The following IGSF11 variants were observed in gnomAD, a reference collection of about 807,000 sequenced individuals.
IGSF11 encodes immunoglobulin superfamily member 11, also known as CXADR like 1.
IGSF11 carries 22 observed loss-of-function variants against 41.0 expected under a neutral mutation model. That is an observed-to-expected ratio of 0.54 (90% CI 0.38 to 0.77). The LOEUF is 0.77. IGSF11 is among the 30% of genes least tolerant of loss of function. IGSF11 has a pLI of 0.00. For synonymous variants in IGSF11, 219 were observed against 201.3 expected, an observed-to-expected ratio of 1.09 and a Z score of -0.74; for missense variants, 444 against 530.8, an observed-to-expected ratio of 0.84 and a Z score of 1.61.
intron 4 of IGSF11, among the ~76,000 whole-genome samples, chr3:118,910,568 C>T (rs1406452556): frequency 1.3e-5 from 2 of 152,196 alleles, no homozygotes; most frequent in African/African-American, 4.8e-5. Flanking sequence ...ATTACTGACA[C>T]AGTTTCTAAA....
chr3:119,113,960 T>C (rs963498091), intron 1 of IGSF11, among the ~76,000 whole-genome samples: 9 of 152,220 alleles, frequency 5.9e-5, no homozygotes, highest in Non-Finnish European at 1.3e-4. Flanking sequence ...GGCTTACAGA[T>C]TGCATCCTTT....
intron 1 of IGSF11, among the ~76,000 whole-genome samples, chr3:118,975,967 C>T (rs1192806874): frequency 1.3e-5 from 2 of 152,034 alleles, no homozygotes; most frequent in Non-Finnish European, 2.9e-5. Context: ...CTCAGTGTCA[C>T]AGGATATATC....
chr3:119,125,682 A>T (rs1393170080), intron 1 of IGSF11, among the ~76,000 whole-genome samples: 3 of 152,174 alleles, frequency 2.0e-5, no homozygotes, highest in Non-Finnish European at 4.4e-5. Context: ...CATCAAAAAA[A>T]ATCATAATAC....
At chr3:119,083,896 A>G (rs537900698) in intron 1 of IGSF11, among the ~76,000 whole-genome samples, 2 of 152,246 alleles carry the variant, frequency 1.3e-5, no homozygotes, top group Admixed American at 6.5e-5. Flanking sequence ...AAATAGCCTC[A>G]GACAGGCCTT....
intron 1 of IGSF11, among the ~76,000 whole-genome samples, chr3:119,044,465 C>A (rs944537568): frequency 2.0e-5 from 3 of 151,936 alleles, no homozygotes; most frequent in Non-Finnish European, 2.9e-5. Flanking sequence ...GAAGAGAAAT[C>A]TAAAAGTTTG....
intron 1 of IGSF11, among the ~76,000 whole-genome samples, chr3:119,144,256 A>G (rs1456980211): frequency 6.6e-6 from 1 of 152,188 alleles, no homozygotes; most frequent in Non-Finnish European, 1.5e-5. Flanking sequence ...GTAGAACCCT[A>G]GACAGAAGGC....
intron 1 of IGSF11, among the ~76,000 whole-genome samples, chr3:118,991,910 C>G (rs544329496): frequency 2.0e-5 from 3 of 152,348 alleles, no homozygotes; most frequent in South Asian, 4.1e-4. Flanking sequence ...GAGAAGCTCT[C>G]CATTCAGTCT....
intron 1 of IGSF11, among the ~76,000 whole-genome samples, chr3:119,104,130 C>A (rs980772779): frequency 1.3e-5 from 2 of 152,108 alleles, no homozygotes; most frequent in Non-Finnish European, 2.9e-5. Flanking sequence ...CGCCCAATTT[C>A]CAATCCCCTC....
At chr3:119,014,314 G>A (rs1183058669) in intron 1 of IGSF11, among the ~76,000 whole-genome samples, 1 of 152,146 alleles carries the variant, frequency 6.6e-6, no homozygotes, top group Non-Finnish European at 1.5e-5. Context: ...TAAAAAGGTA[G>A]CTACAGGCAA....
intron 1 of IGSF11, among the ~76,000 whole-genome samples, chr3:119,047,717 C>G (rs1199568923): frequency 1.3e-5 from 2 of 152,048 alleles, no homozygotes; most frequent in African/African-American, 4.8e-5. Context: ...CCACACCACA[C>G]CTATTCCAAA....
In IGSF11 at chr3:119,001,871, T is replaced by C. The variant is rs1021955843; in HGVS notation, c.52+32660A>G. ...CACATTTTCTTAATCCAGTCTATCG[T>C]TGTTGGACATTTGGGTTGGTTCCAA... On this transcript the variant is annotated intron_variant, in intron 1 of 6. Coordinates refer to ENST00000393775, the MANE Select transcript of IGSF11 (RefSeq NM_001015887.3). Among the ~76,000 whole-genome samples, 39 of 127,354 alleles carry C rather than the reference T, an allele frequency of 3.1e-4. 1 individual carries two copies. Among genetic ancestry groups the C allele is most frequent in the Non-Finnish European group, 5.9e-4 (37 of 63,002 alleles). The allele number at this position is 127,354 out of a possible 152,430, so 83.5% of individuals were successfully genotyped here. A position where few individuals can be genotyped will look rare whatever the true frequency, so the allele number is the denominator to read the frequency against.
chr3:118,903,154 C>T (rs1036115995), intron 6 of IGSF11, among the ~76,000 whole-genome samples, 193 bp from the exon 7 acceptor site: 5 of 152,198 alleles, frequency 3.3e-5, no homozygotes, highest in South Asian at 4.1e-4. Context: ...TTTGAGACAA[C>T]GGTCAAGAAA....
intron 2 of IGSF11, 110 bp downstream of exon 2, chr3:118,930,002 G>T: frequency 9.1e-7 from 1 of 1,102,182 alleles, no homozygotes; most frequent in Non-Finnish European, 1.3e-6. Context: ...CACGCACATT[G>T]ACAATGCCAC....
chr3:119,104,731 C>T (rs1287744599), intron 1 of IGSF11, among the ~76,000 whole-genome samples: 1 of 152,110 alleles, frequency 6.6e-6, no homozygotes, highest in Non-Finnish European at 1.5e-5. Flanking sequence ...ACTGACTATA[C>T]ATTTTACTAT....
At chr3:119,105,251 A>G (rs1449742055), upstream of IGSF11, 2 of 1,084,886 alleles carry the variant, frequency 1.8e-6, no homozygotes, top group East Asian at 2.4e-5. Context: ...TGTCATCATA[A>G]CATTATATGT....
At chr3:118,971,208 A>G (rs958673209) in intron 1 of IGSF11, among the ~76,000 whole-genome samples, 51 of 152,368 alleles carry the variant, frequency 3.3e-4, no homozygotes, top group African/African-American at 1.2e-3. Flanking sequence ...TTACAGGGGC[A>G]GAAAGCAGAG....
intron 1 of IGSF11, among the ~76,000 whole-genome samples, chr3:119,059,759 T>C (rs1158852497): frequency 6.6e-6 from 1 of 151,840 alleles, no homozygotes; most frequent in Admixed American, 6.6e-5. Context: ...GAAAGTAGAG[T>C]CCACCTTCCC....
At chr3:119,132,908 A>G (rs1297194232) in intron 1 of IGSF11, among the ~76,000 whole-genome samples, 9 of 152,230 alleles carry the variant, frequency 5.9e-5, no homozygotes, top group Admixed American at 5.9e-4. Flanking sequence ...TAATACTAAG[A>G]AACTCACTCA....
intron 1 of IGSF11, among the ~76,000 whole-genome samples, chr3:119,141,042 T>TAAAAAAAAAAAAAAA (rs35323898): frequency 1.0e-5 from 1 of 99,778 alleles, no homozygotes; most frequent in Non-Finnish European, 1.9e-5. Flanking sequence ...TCTGTCTCAT[T>TAAAAAAAAAAAAAAA]AAAAAAAAAA....
Sources: gnomAD v4.1 joint callset for allele counts (sites outside exome capture counted in the v4.1 genomes callset) on GRCh38, gnomAD v4.1.1 for gene constraint, MANE v1.5 for transcripts, NCBI Gene and HGNC (gene_info 2026-07-23, HGNC 2026-07-21) for gene names.